ZBTB7C: variants seen among roughly 807,000 people sequenced by gnomAD.
ZBTB7C encodes zinc finger and BTB domain-containing protein 7C.
Under a neutral mutation model 25.7 loss-of-function variants are expected in ZBTB7C, and 8 were observed. The observed-to-expected ratio is 0.31, with a 90% CI of 0.18 to 0.56. The LOEUF is 0.56. Among genes scored for constraint, ZBTB7C ranks in the 20% least tolerant of loss-of-function variants. The probability of loss-of-function intolerance (pLI) is 0.91; values close to 1 mark genes in which losing one functional copy is unlikely to be tolerated. For missense variants in ZBTB7C, 824 were observed against 855.2 expected, an observed-to-expected ratio of 0.96 and a Z score of 0.46; for synonymous variants, 394 against 369.0, an observed-to-expected ratio of 1.07 and a Z score of -0.78.
At chr18:48,214,529 A>ATT (rs1289228615) in intron 2 of ZBTB7C, among the ~76,000 whole-genome samples, 8 of 152,362 alleles carry the variant, frequency 5.3e-5, no homozygotes, top group African/African-American at 1.9e-4. Flanking sequence ...AGCTGGTTAA[A>ATT]ACCTACCAAA....
chr18:48,376,428 G>T (rs2047520380), intron 1 of ZBTB7C, among the ~76,000 whole-genome samples: 1 of 152,226 alleles, frequency 6.6e-6, no homozygotes, highest in South Asian at 2.1e-4. Context: ...CTCAGCTGCA[G>T]TTGGTTAATT....
chr18:48,202,071 T>A (rs1290193192), intron 2 of ZBTB7C, among the ~76,000 whole-genome samples: 2 of 152,202 alleles, frequency 1.3e-5, no homozygotes, highest in Non-Finnish European at 2.9e-5. Context: ...AGCGGAGAGC[T>A]GAGTGTTGGA....
chr18:48,409,592 G>GC (rs1323898459), upstream of ZBTB7C, among the ~76,000 whole-genome samples: 1 of 149,764 alleles, frequency 6.7e-6, no homozygotes, highest in Admixed American at 6.6e-5. Context: ...TCCCCGCCGC[G>GC]CGGCACATGC....
At chr18:48,252,513 C>T (rs916212527) in intron 2 of ZBTB7C, 1 of 152,244 alleles carries the variant, frequency 6.6e-6, no homozygotes, top group Non-Finnish European at 1.5e-5. Context: ...GGGCATGGCT[C>T]CTCTCTCCCT....
intron 3 of ZBTB7C, chr18:48,087,803 A>G (rs911867742): frequency 6.7e-5 from 9 of 134,770 alleles, no homozygotes; most frequent in Non-Finnish European, 1.1e-4. Flanking sequence ...CTTTCTCTAA[A>G]ATAAATAACA....
intron 3 of ZBTB7C, among the ~76,000 whole-genome samples, chr18:48,112,202 G>A (rs1445757199): frequency 6.6e-6 from 1 of 151,114 alleles, no homozygotes; most frequent in African/African-American, 2.4e-5. Context: ...AAAATGTGTG[G>A]AGTAATATAT....
At chr18:48,173,518 G>A (rs1011109200) in intron 3 of ZBTB7C, among the ~76,000 whole-genome samples, 3 of 152,060 alleles carry the variant, frequency 2.0e-5, no homozygotes, top group African/African-American at 7.3e-5. Flanking sequence ...CCTATGATAC[G>A]TCCCCCCTTC....
chr18:48,074,180 A>AT (rs1420866670), intron 3 of ZBTB7C, among the ~76,000 whole-genome samples: 5 of 151,672 alleles, frequency 3.3e-5, no homozygotes, highest in Admixed American at 6.6e-5. Context: ...CGCCTAGCTA[A>AT]TTTTTCCATT....
chr18:48,050,690 G>A (rs1224251999), intron 3 of ZBTB7C, among the ~76,000 whole-genome samples: 1 of 152,122 alleles, frequency 6.6e-6, no homozygotes, highest in Non-Finnish European at 1.5e-5. Flanking sequence ...GCCCAGAAGA[G>A]GCCAGACCCA....
In ZBTB7C at chr18:48,041,588, A is replaced by AGACTT. The variant is rs1203104170; in HGVS notation, c.-16-470_-16-466dup. 4.1e-6 allele frequency: 4 copies of AGACTT among 978,602 alleles called. No homozygotes were observed. The African/African-American group carries it at 7.1e-5, about 17-fold the overall frequency. 60.6% of individuals were successfully genotyped at this position (978,602 alleles called of 1,614,324 possible). A position where few individuals can be genotyped will look rare whatever the true frequency, so the allele number is the denominator to read the frequency against. ...CTCACAAATCCTCTGATTCTGTAACAGACTTACACTTTGCACTGGCTACTA... is the reference window on the plus strand; with the variant it reads ...CTCACAAATCCTCTGATTCTGTAACAGACTTGACTTACACTTTGCACTGGCTACTA... On this transcript the variant is annotated intron_variant, in intron 3 of 4. Coordinates refer to ENST00000590800, the MANE Select transcript of ZBTB7C (RefSeq NM_001318841.2).
intron 3 of ZBTB7C, among the ~76,000 whole-genome samples, chr18:48,081,033 C>T (rs143960435): frequency 6.0e-4 from 91 of 152,338 alleles, no homozygotes; most frequent in African/African-American, 2.2e-3. Context: ...TACAGCTCTC[C>T]CTGCAAAGAC....
At chr18:48,410,782 C>T (rs1485158196), upstream of ZBTB7C, 3 of 152,240 alleles carry the variant, frequency 2.0e-5, no homozygotes, top group Admixed American at 6.5e-5. Context: ...GGGTCCTCTC[C>T]GGGGCTCCTC....
At chr18:48,321,982 G>T (rs1296314271) in intron 2 of ZBTB7C, among the ~76,000 whole-genome samples, 1 of 152,194 alleles carries the variant, frequency 6.6e-6, no homozygotes, top group African/African-American at 2.4e-5. Flanking sequence ...AGCGGATCAG[G>T]CTGTCCCTAT....
At chr18:48,082,157 C>CCATAAAGCATTT (rs1176100851) in intron 3 of ZBTB7C, among the ~76,000 whole-genome samples, 1 of 152,096 alleles carries the variant, frequency 6.6e-6, no homozygotes, top group African/African-American at 2.4e-5. Context: ...AAAACAGTCC[C>CCATAAAGCATTT]CATAAAGCAT....
At chr18:48,130,258 C>T (rs2039946322) in intron 3 of ZBTB7C, among the ~76,000 whole-genome samples, 1 of 152,156 alleles carries the variant, frequency 6.6e-6, no homozygotes, top group Non-Finnish European at 1.5e-5. Flanking sequence ...TTGTCATTTA[C>T]AGGAGGTATT....
At chr18:48,049,529 G>C (rs1013627729) in intron 3 of ZBTB7C, among the ~76,000 whole-genome samples, 1 of 152,178 alleles carries the variant, frequency 6.6e-6, no homozygotes, top group Non-Finnish European at 1.5e-5. Flanking sequence ...TAAACAAAGG[G>C]GATAGCTTTG....
At chr18:48,083,151 T>C (rs1381089995) in intron 3 of ZBTB7C, among the ~76,000 whole-genome samples, 3 of 152,164 alleles carry the variant, frequency 2.0e-5, no homozygotes, top group Non-Finnish European at 4.4e-5. Context: ...ATATGATGCA[T>C]GTTATTTTCT....
At chr18:48,406,609 TAAAC>T (rs1351185983) in intron 1 of ZBTB7C, among the ~76,000 whole-genome samples, 2 of 152,190 alleles carry the variant, frequency 1.3e-5, no homozygotes, top group Admixed American at 6.5e-5. Context: ...GTAGGACCCC[TAAAC>T]ACAGGAGATG....
chr18:48,058,992 A>T (rs2037025565), intron 3 of ZBTB7C, among the ~76,000 whole-genome samples: 1 of 152,180 alleles, frequency 6.6e-6, no homozygotes, highest in Non-Finnish European at 1.5e-5. Flanking sequence ...CTGAAACCAC[A>T]TAGGAATCCC....
Sources: gnomAD v4.1 joint callset for allele counts (sites outside exome capture counted in the v4.1 genomes callset) on GRCh38, gnomAD v4.1.1 for gene constraint, MANE v1.5 for transcripts, NCBI Gene and HGNC (gene_info 2026-07-23, HGNC 2026-07-21) for gene names.